Variants in PLXNC1 observed in about 807,000 individuals in gnomAD.
PLXNC1 encodes plexin C1.
PLXNC1 carries 75 observed loss-of-function variants against 178.2 expected under a neutral mutation model. That is an observed-to-expected ratio of 0.42 (90% CI 0.35 to 0.51). The LOEUF (loss-of-function observed/expected upper bound fraction) is 0.51. PLXNC1 is among the 20% of genes least tolerant of loss of function. The probability of loss-of-function intolerance (pLI) is 0.02; values close to 1 mark genes in which losing one functional copy is unlikely to be tolerated. For synonymous variants in PLXNC1, 790 were observed against 779.9 expected (o/e 1.01, Z -0.22); for missense variants, 1,503 against 1,984.4 (o/e 0.76, Z 4.61).
chr12:94,219,807 A>ATTTATTTATTTATTTGTTTG (rs144447216), intron 5 of PLXNC1, among the ~76,000 whole-genome samples: 22 of 46,678 alleles, frequency 4.7e-4, no homozygotes, highest in African/African-American at 2.1e-3. Context: ...TTATATTTTT[A>ATTTATTTATTTATTTGTTTG]TTTATTTATT....
At chr12:94,293,826 GC>G (rs1288914613) in intron 23 of PLXNC1, among the ~76,000 whole-genome samples, 3 of 152,064 alleles carry the variant, frequency 2.0e-5, no homozygotes, top group African/African-American at 7.3e-5. Context: ...TCCCTATGTT[GC>G]CCAGGCTGGT....
chr12:94,171,862 AC>A (rs1237126480), intron 2 of PLXNC1, among the ~76,000 whole-genome samples: 15 of 152,212 alleles, frequency 9.9e-5, no homozygotes, highest in African/African-American at 3.4e-4. Flanking sequence ...AAGTTCTCTC[AC>A]TCAGGAGAAG....
At chr12:94,231,649 G>C (rs910023064) in intron 9 of PLXNC1, among the ~76,000 whole-genome samples, 3 of 152,196 alleles carry the variant, frequency 2.0e-5, no homozygotes, top group Non-Finnish European at 4.4e-5. Flanking sequence ...TCTGCCAAGG[G>C]GGCTGAGTTA....
Position 94,149,896 on chromosome 12 carries a change from G to A in PLXNC1, c.925G>A (p.Val309Met), listed in dbSNP as rs1960884944. The A allele has an allele frequency of 6.3e-7, 1 of 1,589,200 alleles. No homozygotes were observed. Among genetic ancestry groups the A allele is most frequent in the Non-Finnish European group, 8.6e-7 (1 of 1,168,652 alleles). ...LVEALDVWAGVFSAAAGEGQE... is the reference protein window; with the variant it reads ...LVEALDVWAGMFSAAAGEGQE... ...GGAGGCCCTGGACGTCTGGGCGGGA[G>A]TGTTCAGCGCGGCCGCTGGAGAGGG... Residue 309 changes from valine to methionine, a missense_variant, in exon 1 of 31, where the codon GTG (valine) becomes ATG (methionine). Physicochemically the swap from Val to Met is conservative, Grantham distance 21. This residue lies in a region of PLXNC1 where 615 missense variants were observed against 698.6 expected (regional missense o/e 0.88). Coordinates refer to ENST00000258526, the MANE Select transcript of PLXNC1 (RefSeq NM_005761.3).
chr12:94,298,755 A>T lies in PLXNC1; in HGVS notation c.4198A>T (p.Ile1400Phe). ...GGACGCCCAGGCTGAAAACAAAAAAATCACAGATCCTGACGTCGTACATAT... is the reference window on the plus strand; with the variant it reads ...GGACGCCCAGGCTGAAAACAAAAAATTCACAGATCCTGACGTCGTACATAT... The part of the protein sequence containing the change: ...FLDAQAENKK[I>F]TDPDVVHIWK... The change falls in exon 27 of 31, where the codon ATC becomes TTC. Residue 1400 changes from isoleucine to phenylalanine, a missense_variant. Ile to Phe is a conservative substitution (Grantham distance 21). Coordinates refer to ENST00000258526, the MANE Select transcript of PLXNC1 (RefSeq NM_005761.3). The T allele has an allele frequency of 6.2e-7, 1 of 1,613,128 alleles. No individual in the cohort carries two copies. The highest frequency in any genetic ancestry group is 8.5e-7 in the Non-Finnish European group (1 of 1,179,744).
chr12:94,182,857 CTGTA>C (rs1253184780), intron 3 of PLXNC1, among the ~76,000 whole-genome samples: 58 of 141,864 alleles, frequency 4.1e-4, no homozygotes, highest in African/African-American at 1.4e-3. Context: ...TCAAGAATAT[CTGTA>C]TCTATCTATC....
rs761882253 is a variant in PLXNC1 at position 94,149,034 on chromosome 12, G to A, written c.63G>A (p.Leu21=). The A allele has an allele frequency of 2.0e-6, 3 of 1,504,842 alleles. No homozygotes were observed. Among genetic ancestry groups the A allele is most frequent in the Non-Finnish European group, 1.8e-6 (2 of 1,134,066 alleles). The allele number at this position is 1,504,842 out of a possible 1,614,324, so 93.2% of individuals were successfully genotyped here. A position where few individuals can be genotyped will look rare whatever the true frequency, so the allele number is the denominator to read the frequency against. Residue 21 remains leucine, a synonymous_variant, in exon 1 of 31, where the codon CTG becomes CTA. Coordinates refer to ENST00000258526, the MANE Select transcript of PLXNC1 (RefSeq NM_005761.3). ...RPPRPAAPLP[L]LAYLLALAAP... ...CGCGCCCCGCAGCGCCACTGCCCCT[G>A]CTCGCCTATCTGCTGGCACTGGCGG... is the stretch of plus-strand genomic sequence containing the variant.
intron 10 of PLXNC1, among the ~76,000 whole-genome samples, chr12:94,240,053 T>G (rs951427912): frequency 6.6e-6 from 1 of 152,132 alleles, no homozygotes; most frequent in African/African-American, 2.4e-5. Context: ...CTGGGATTTT[T>G]GGGGGGGCAT....
chr12:94,162,641 C>T (rs546224633), intron 1 of PLXNC1, among the ~76,000 whole-genome samples: 1 of 151,824 alleles, frequency 6.6e-6, no homozygotes, highest in African/African-American at 2.4e-5. Flanking sequence ...CTGAATAGAG[C>T]CTGTAGAGAT....
At chr12:94,154,145 TG>T (rs1488570394) in intron 1 of PLXNC1, among the ~76,000 whole-genome samples, 2 of 152,258 alleles carry the variant, frequency 1.3e-5, no homozygotes, top group Non-Finnish European at 2.9e-5. Flanking sequence ...CCAGGTTTTG[TG>T]TGAAGCAATT....
At chr12:94,184,292 ATTTTT>A (rs758076836) in intron 3 of PLXNC1, among the ~76,000 whole-genome samples, 2 of 142,588 alleles carry the variant, frequency 1.4e-5, no homozygotes, top group Non-Finnish European at 3.1e-5. Context: ...TAATTTTTGT[ATTTTT>A]TTTTTTTTAA....
intron 21 of PLXNC1, among the ~76,000 whole-genome samples, chr12:94,273,505 C>T (rs1284322585): frequency 2.6e-5 from 4 of 152,166 alleles, no homozygotes; most frequent in Non-Finnish European, 5.9e-5. Context: ...AATGCTGCCT[C>T]CTCCATGCAG....
At position 94,242,619 on chromosome 12, in the gene PLXNC1, C is replaced by A. The variant is rs574034693; in HGVS notation, c.2301-1319C>A. Reference sequence around the variant, plus strand: ...TTTATGGGGACACATTTTTTGGGGACACAGTTCAGTCCATAATAGTAAGAT... The same window carrying A: ...TTTATGGGGACACATTTTTTGGGGAAACAGTTCAGTCCATAATAGTAAGAT... On this transcript the variant is annotated intron_variant, in intron 11 of 30. Coordinates refer to ENST00000258526, the MANE Select transcript of PLXNC1 (RefSeq NM_005761.3). Among the ~76,000 whole-genome samples, 3 of 152,148 alleles carry A rather than the reference C, an allele frequency of 2.0e-5. No homozygotes were observed. The South Asian group carries it at 6.2e-4, about 32-fold the overall frequency.
At chr12:94,219,943 A>T (rs1963747479) in intron 5 of PLXNC1, 73 bp from the exon 6 acceptor site, 2 of 1,432,476 alleles carry the variant, frequency 1.4e-6, no homozygotes, top group Non-Finnish European at 1.9e-6. Context: ...AAAGGGTGAG[A>T]TCATATGAGG....
intron 23 of PLXNC1, among the ~76,000 whole-genome samples, chr12:94,291,017 T>C (rs77308368): frequency 0.015 from 2,247 of 152,234 alleles, 23 homozygotes; most frequent in Non-Finnish European, 0.023. Flanking sequence ...GGCATCTTTG[T>C]CCCCCTTTGC....
At chr12:94,285,581 C>T (rs1051693963) in intron 23 of PLXNC1, among the ~76,000 whole-genome samples, 1 of 152,112 alleles carries the variant, frequency 6.6e-6, no homozygotes, top group Non-Finnish European at 1.5e-5. Context: ...GTAAAAATCC[C>T]CAGGGAGTTT....
intron 14 of PLXNC1, among the ~76,000 whole-genome samples, chr12:94,249,295 C>T (rs547433794): frequency 5.3e-5 from 8 of 152,240 alleles, no homozygotes; most frequent in Admixed American, 4.6e-4. Flanking sequence ...TACAGTGGCA[C>T]GATCTTGGCT....
chr12:94,302,862 C>G lies in PLXNC1; in HGVS notation c.4387-894C>G, dbSNP rs527588581. Among the ~76,000 whole-genome samples the G allele has an allele frequency of 3.5e-4, 53 of 152,224 alleles. 1 individual carries two copies. The South Asian group carries it at 0.01, about 30-fold the overall frequency. Reference sequence around the variant, plus strand: ...AGTCTTTATCATTGTACTCTCAATGCCTGCTCCAGTGCTTAATAATGTTTA... The same window carrying G: ...AGTCTTTATCATTGTACTCTCAATGGCTGCTCCAGTGCTTAATAATGTTTA... On this transcript the variant is annotated intron_variant, in intron 28 of 30. Transcript: ENST00000258526.
chr12:94,158,543 C>G (rs889095058), intron 1 of PLXNC1, among the ~76,000 whole-genome samples: 1 of 152,208 alleles, frequency 6.6e-6, no homozygotes, highest in Non-Finnish European at 1.5e-5. Context: ...TGCCCATAAT[C>G]CCAGCACCTT....
Sources: allele counts gnomAD v4.1 joint callset (sites outside exome capture counted in the v4.1 genomes callset), GRCh38; gene constraint gnomAD v4.1.1; regional missense constraint gnomAD v4.1.1; transcripts MANE v1.5; gene names NCBI Gene and HGNC (gene_info 2026-07-23, HGNC 2026-07-21).